RPRD2: variants seen among roughly 807,000 people sequenced by gnomAD.
RPRD2 encodes regulation of nuclear pre-mRNA domain-containing protein 2.
RPRD2 carries 12 observed loss-of-function variants against 104.4 expected under a neutral mutation model. That is an observed-to-expected ratio of 0.11 (90% confidence interval 0.07 to 0.19). RPRD2 has a LOEUF of 0.19. Ranked by LOEUF, RPRD2 falls within the 10% of genes least tolerant of loss-of-function variation. The pLI is 1.00. For missense variants in RPRD2, 1,543 were observed against 1,790.1 expected (o/e 0.86, Z 2.49); for synonymous variants, 714 against 684.9 (o/e 1.04, Z -0.66).
intron 7 of RPRD2, among the ~76,000 whole-genome samples, chr1:150,454,613 TGGGGCAGGCGGATCA>T (rs1333901833): frequency 6.6e-6 from 1 of 151,994 alleles, no homozygotes; most frequent in Non-Finnish European, 1.5e-5. Context: ...TTTGGGAGGC[TGGGGCAGGCGGATCA>T]CCTGAGGTCA....
At chr1:150,417,063 TAATA>T (rs1469061891) in intron 1 of RPRD2, among the ~76,000 whole-genome samples, 4 of 152,124 alleles carry the variant, frequency 2.6e-5, no homozygotes, top group African/African-American at 9.7e-5. Flanking sequence ...GGTCTATCTG[TAATA>T]AATGTTAAGC....
chr1:150,389,325 C>T (rs1355330041), intron 1 of RPRD2, among the ~76,000 whole-genome samples: 1 of 152,202 alleles, frequency 6.6e-6, no homozygotes, highest in Non-Finnish European at 1.5e-5. Flanking sequence ...GCTGGGATTA[C>T]AGGTGTGAGC....
chr1:150,467,358 C>G (rs144842645), intron 10 of RPRD2, among the ~76,000 whole-genome samples: 3 of 152,178 alleles, frequency 2.0e-5, no homozygotes, highest in African/African-American at 7.2e-5. Flanking sequence ...TTTATGCTTT[C>G]TCCCTTTTTA....
intron 2 of RPRD2, 53 bp downstream of exon 2, chr1:150,417,778 T>G (rs782122294): frequency 1.8e-5 from 25 of 1,428,324 alleles, no homozygotes; most frequent in Non-Finnish European, 2.2e-5. Flanking sequence ...ACTTAGAATT[T>G]TAGTTTCTTA....
At chr1:150,446,668 T>C (rs1280364358) in intron 7 of RPRD2, among the ~76,000 whole-genome samples, 1 of 152,002 alleles carries the variant, frequency 6.6e-6, no homozygotes, top group African/African-American at 2.4e-5. Context: ...ACAGAAATTA[T>C]CTGAGTGTGA....
chr1:150,466,731 T>C (rs1410073559), intron 10 of RPRD2, among the ~76,000 whole-genome samples: 1 of 152,200 alleles, frequency 6.6e-6, no homozygotes. Flanking sequence ...AATTATGTTT[T>C]GTGCATGACA....
chr1:150,395,349 G>T (rs1319597100), intron 1 of RPRD2, among the ~76,000 whole-genome samples: 3 of 136,552 alleles, frequency 2.2e-5, no homozygotes, highest in Non-Finnish European at 4.7e-5. Context: ...CCTTTTCATG[G>T]CTGAGTAGTA....
chr1:150,457,375 C>T lies in RPRD2; in HGVS notation c.958C>T (p.Pro320Ser). The change falls in exon 8 of 11, where the codon CCA (proline) becomes TCA (serine). Residue 320 changes from proline (P) to serine (S), a missense_variant. This residue lies in a region of RPRD2 where 572 missense variants were observed against 787.3 expected (regional missense o/e 0.73). Transcript: ENST00000369068. ...AACCCTTCCAGATCCTGAAGAATCA[C>T]CAGTTCCTTCCCCAAGCATGGACGC... Reference protein sequence around the residue: ...KSTLPDPEESPVPSPSMDAPS... With the variant: ...KSTLPDPEESSVPSPSMDAPS... 1.2e-6 allele frequency: 2 copies of T among 1,611,522 alleles called. No individual in the cohort carries two copies. Among genetic ancestry groups the T allele is most frequent in the Non-Finnish European group, 1.7e-6 (2 of 1,177,702 alleles).
rs1668678615 is a variant in RPRD2, at chr1:150,472,778, G to A, written c.3830G>A (p.Gly1277Glu). Residue 1277 changes from glycine to glutamate, a missense_variant, in exon 11 of 11, where the codon GGG becomes GAG. Gly to Glu is a moderately conservative substitution (Grantham distance 98). Around this residue, in one of 4 missense-constraint regions of RPRD2, gnomAD observed 880 missense variants for 885.6 expected, o/e 0.99. Coordinates refer to ENST00000369068, the MANE Select transcript of RPRD2 (RefSeq NM_015203.5). The part of the protein sequence containing the change: ...FPTPPPPPPP[G>E]EHSSSGGSGV... ...ACCCCACCTCCTCCTCCCCCTCCTG[G>A]GGAACATAGCAGCAGTGGTGGGAGT... The A allele has an allele frequency of 4.3e-6, 7 of 1,611,644 alleles. No individual in the cohort carries two copies. The highest frequency in any genetic ancestry group is 5.9e-6 in the Non-Finnish European group (7 of 1,177,936).
At chr1:150,411,996 G>T (rs937595530) in intron 1 of RPRD2, among the ~76,000 whole-genome samples, 2 of 151,556 alleles carry the variant, frequency 1.3e-5, no homozygotes, top group African/African-American at 4.9e-5. Context: ...GGTGGCAAGC[G>T]CCTGTAATCC....
At chr1:150,413,635 A>G (rs1664106408) in intron 1 of RPRD2, among the ~76,000 whole-genome samples, 1 of 150,598 alleles carries the variant, frequency 6.6e-6, no homozygotes, top group Non-Finnish European at 1.5e-5. Flanking sequence ...AAAATAAAAT[A>G]TTAAAATCAG....
chr1:150,441,856 T>C (rs1392950726), intron 3 of RPRD2, 25 bp from the exon 4 acceptor site: 12 of 1,592,692 alleles, frequency 7.5e-6, no homozygotes, highest in African/African-American at 1.3e-5. Context: ...TAATGCCAGA[T>C]TGCAAAAACT....
chr1:150,376,661 C>A (rs782166227), intron 1 of RPRD2, among the ~76,000 whole-genome samples: 2 of 151,692 alleles, frequency 1.3e-5, no homozygotes, highest in African/African-American at 4.8e-5. Flanking sequence ...CCACCACGCC[C>A]GGCTGATTTT....
intron 1 of RPRD2, among the ~76,000 whole-genome samples, chr1:150,377,321 C>T (rs925651021): frequency 2.6e-5 from 4 of 151,982 alleles, no homozygotes; most frequent in Non-Finnish European, 5.9e-5. Flanking sequence ...AGTAAATGGG[C>T]CGGGCGCGGT....
rs139405014 is a variant in RPRD2 at position 150,430,395 on chromosome 1, C to T, written c.336-10528C>T. Among the ~76,000 whole-genome samples the T allele has an allele frequency of 2.5e-3, 374 of 152,106 alleles. 5 individuals are homozygous for T. In the Middle Eastern group the frequency reaches 0.034, roughly 14 times the overall value. On this transcript the variant is annotated intron_variant, in intron 2 of 10. Transcript: ENST00000369068. ...GGGGAAAATGAAAAATGAAGGCCAG[C>T]CGTGGTGGCTCACACCTATAATCCC...
chr1:150,390,677 G>GAA (rs1661998755), intron 1 of RPRD2, among the ~76,000 whole-genome samples: 1 of 152,122 alleles, frequency 6.6e-6, no homozygotes, highest in South Asian at 2.1e-4. Context: ...TGGATGATTT[G>GAA]AACAACAGAT....
At chr1:150,467,193 G>T (rs1192113153) in intron 10 of RPRD2, among the ~76,000 whole-genome samples, 1 of 152,160 alleles carries the variant, frequency 6.6e-6, no homozygotes, top group African/African-American at 2.4e-5. Context: ...AGTGAACTTT[G>T]TCTGGAGGTG....
rs747905675 is a variant in RPRD2 at position 150,472,244 on chromosome 1, C to T, written c.3296C>T (p.Ser1099Leu). The change falls in exon 11 of 11, where the codon TCA becomes TTA. Residue 1099 changes from serine to leucine, a missense_variant. This residue lies in a region of RPRD2 where 880 missense variants were observed against 885.6 expected (regional missense o/e 0.99). Coordinates refer to ENST00000369068, the MANE Select transcript of RPRD2 (RefSeq NM_015203.5). ...GYHSASNRRMSGEPIQTVESI... is the reference protein window; with the variant it reads ...GYHSASNRRMLGEPIQTVESI... ...CACAGTGCATCCAATAGGAGGATGT[C>T]AGGGGAGCCGATCCAGACCGTAGAG... is the stretch of plus-strand genomic sequence containing the variant. 8 of 1,613,752 alleles carry T rather than the reference C, an allele frequency of 5.0e-6. No individual in the cohort carries two copies. The highest frequency in any genetic ancestry group is 8.5e-7 in the Non-Finnish European group (1 of 1,179,862).
chr1:150,385,556 A>G (rs2102151453), intron 1 of RPRD2, among the ~76,000 whole-genome samples: 2 of 152,356 alleles, frequency 1.3e-5, no homozygotes, highest in South Asian at 4.1e-4. Flanking sequence ...TAAATTTACA[A>G]AACTGTAAAT....
Sources: allele counts gnomAD v4.1 joint callset (sites outside exome capture counted in the v4.1 genomes callset), GRCh38; gene constraint gnomAD v4.1.1; regional missense constraint gnomAD v4.1.1; transcripts MANE v1.5; gene names NCBI Gene and HGNC (gene_info 2026-07-23, HGNC 2026-07-21).